HSD17B13: variants seen among roughly 807,000 people sequenced by gnomAD.
HSD17B13 encodes 17-beta-hydroxysteroid dehydrogenase 13.
Under a neutral mutation model 31.1 loss-of-function variants are expected in HSD17B13, and 26 were observed. The observed-to-expected ratio is 0.84, with a 90% CI of 0.61 to 1.16. HSD17B13 has a LOEUF of 1.16. Among genes scored for constraint, HSD17B13 ranks in the 50% most tolerant of loss-of-function variants. The probability of loss-of-function intolerance (pLI) is 0.00; values close to 1 mark genes in which losing one functional copy is unlikely to be tolerated. For synonymous variants in HSD17B13, 141 were observed against 133.7 expected (o/e 1.05, Z -0.38); for missense variants, 374 against 366.5 (o/e 1.02, Z -0.17).
At chr4:87,310,925 T>C (rs555020673) in intron 5 of HSD17B13, among the ~76,000 whole-genome samples, 3 of 152,202 alleles carry the variant, frequency 2.0e-5, no homozygotes, top group Non-Finnish European at 2.9e-5. Context: ...CAGGATGAGA[T>C]AGGAGGTTGG....
intron 4 of HSD17B13, among the ~76,000 whole-genome samples, chr4:87,314,495 G>A (rs1734601917): frequency 6.6e-6 from 1 of 152,034 alleles, no homozygotes. Flanking sequence ...ATCTGGAGAA[G>A]AGTTTACAGG....
intron 5 of HSD17B13, among the ~76,000 whole-genome samples, chr4:87,311,037 G>A (rs1234457616): frequency 9.8e-6 from 1 of 101,620 alleles, no homozygotes; most frequent in African/African-American, 2.8e-5. Context: ...GTGACCTCTG[G>A]TTGTCCTCAC....
chr4:87,318,657 G>T (rs914103913), intron 1 of HSD17B13, among the ~76,000 whole-genome samples: 7 of 151,530 alleles, frequency 4.6e-5, no homozygotes, highest in African/African-American at 1.7e-4. Context: ...AATTAGCCAG[G>T]CCTGATGGTG....
At chr4:87,308,695 A>T (rs958219585) in intron 6 of HSD17B13, among the ~76,000 whole-genome samples, 7 of 149,422 alleles carry the variant, frequency 4.7e-5, no homozygotes, top group African/African-American at 1.7e-4. Context: ...AAATATAATA[A>T]AAATAAATAA....
At chr4:87,306,603 T>C (rs1439428448) in intron 6 of HSD17B13, among the ~76,000 whole-genome samples, 1 of 151,356 alleles carries the variant, frequency 6.6e-6, no homozygotes, top group Admixed American at 6.6e-5. Flanking sequence ...AAGAGATGAG[T>C]AGGCAACTGA....
At chr4:87,312,631 G>A (rs1434238102) in intron 5 of HSD17B13, among the ~76,000 whole-genome samples, 2 of 138,098 alleles carry the variant, frequency 1.4e-5, no homozygotes, top group African/African-American at 5.5e-5. Context: ...CCGGGTTCAC[G>A]CCATTCTCCT....
intron 6 of HSD17B13, among the ~76,000 whole-genome samples, chr4:87,306,381 T>C (rs991878529): frequency 2.6e-5 from 4 of 152,182 alleles, no homozygotes; most frequent in African/African-American, 9.7e-5. Flanking sequence ...TGAATATCTA[T>C]TATGCACTCT....
intron 6 of HSD17B13, among the ~76,000 whole-genome samples, chr4:87,308,211 A>T (rs1406103048): frequency 6.6e-6 from 1 of 152,118 alleles, no homozygotes; most frequent in African/African-American, 2.4e-5. Context: ...TATAAAGAAG[A>T]TATTATCAGC....
chr4:87,310,280 C>A lies in HSD17B13; in HGVS notation c.775G>T (p.Val259Phe), dbSNP rs573793320. ...AGAAAGATATTGATATACGATGGAA[C>A]AAAAATCATTTTCTTATTGGTAAGT... ...GILTNKKMIF[V>F]PSYINIFLRL... The change falls in exon 6 of 7, where the codon GTT (valine) becomes TTT (phenylalanine). Residue 259 changes from valine to phenylalanine, a missense_variant. Coordinates refer to ENST00000328546, the MANE Select transcript of HSD17B13 (RefSeq NM_178135.5). 3 of 1,580,286 alleles carry A rather than the reference C, an allele frequency of 1.9e-6. No individual in the cohort carries two copies. The highest frequency in any genetic ancestry group is 1.2e-5 in the South Asian group (1 of 85,004).
chr4:87,313,056 T>C (rs1734570188), intron 5 of HSD17B13, among the ~76,000 whole-genome samples: 3 of 144,102 alleles, frequency 2.1e-5, no homozygotes, highest in Admixed American at 2.0e-4. Context: ...TGAGACTCTG[T>C]CTCAAAAAAA....
chr4:87,320,224 A>G (rs76624273), intron 1 of HSD17B13, among the ~76,000 whole-genome samples: 352 of 152,282 alleles, frequency 2.3e-3, no homozygotes, highest in African/African-American at 7.8e-3. Flanking sequence ...AGAGTAAAAA[A>G]AGAATAGGAG....
intron 6 of HSD17B13, among the ~76,000 whole-genome samples, chr4:87,309,539 G>A (rs768336436): frequency 2.6e-5 from 4 of 152,006 alleles, no homozygotes; most frequent in Non-Finnish European, 5.9e-5. Context: ...TTATGTTCTT[G>A]GATTAGAAAA....
At chr4:87,318,517 C>A (rs952687448) in intron 1 of HSD17B13, 81 bp from the exon 2 acceptor site, 3 of 1,139,898 alleles carry the variant, frequency 2.6e-6, no homozygotes, top group Non-Finnish European at 3.9e-6. Flanking sequence ...AATTAACATT[C>A]GGCTAGGCGC....
chr4:87,318,414 G>A lies in HSD17B13; in HGVS notation c.233C>T (p.Ala78Val), dbSNP rs113733428. The A allele has an allele frequency of 4.6e-5, 74 of 1,614,114 alleles. No individual in the cohort carries two copies. In the African/African-American group the frequency reaches 8.8e-4, roughly 19 times the overall value. The change falls in exon 2 of 7, where the codon GCT (alanine) becomes GTT (valine). Residue 78 changes from alanine (A) to valine (V), a missense_variant. Physicochemically the swap from Ala to Val is moderately conservative, Grantham distance 64 (BLOSUM62 0). Transcript: ENST00000328546. ...AGTGACGCCTAGTTTTCGGCACTCA[G>A]CTGCAGTTTCCTCCACACCGCGCTG... ...INKRGVEETA[A>V]ECRKLGVTAH...
In HSD17B13 at chr4:87,310,303, A is replaced by G; in HGVS notation, c.752T>C (p.Leu251Pro). ...EVVRSLIDGI[L>P]TNKKMIFVPS... ...AACAAAAATCATTTTCTTATTGGTA[A>G]GTATTCCATCTATCAGACTTCTTAC... Residue 251 changes from leucine (L) to proline (P), a missense_variant, in exon 6 of 7, where the codon CTT (leucine) becomes CCT (proline). Coordinates refer to ENST00000328546, the MANE Select transcript of HSD17B13 (RefSeq NM_178135.5). 1.3e-6 allele frequency: 2 copies of G among 1,580,596 alleles called. No homozygotes were observed. Among genetic ancestry groups the G allele is most frequent in the Non-Finnish European group, 1.7e-6 (2 of 1,167,610 alleles).
chr4:87,320,591 G>A (rs1025921549), intron 1 of HSD17B13, among the ~76,000 whole-genome samples: 2 of 151,884 alleles, frequency 1.3e-5, no homozygotes, highest in Non-Finnish European at 2.9e-5. Context: ...GTTTCACTGT[G>A]TTATCCAGGA....
At chr4:87,320,382 G>GTTTTTTT (rs66590696) in intron 1 of HSD17B13, among the ~76,000 whole-genome samples, 13 of 101,380 alleles carry the variant, frequency 1.3e-4, no homozygotes, top group East Asian at 6.3e-4. Context: ...TTATTCTTCA[G>GTTTTTTT]TTTTTTTTTT....
At chr4:87,320,468 G>A (rs1734759145) in intron 1 of HSD17B13, among the ~76,000 whole-genome samples, 1 of 135,558 alleles carries the variant, frequency 7.4e-6, no homozygotes, top group Non-Finnish European at 1.5e-5. Context: ...CTCACTGCAA[G>A]CTCCGCCTCC....
chr4:87,318,759 C>G (rs1734716330), intron 1 of HSD17B13, among the ~76,000 whole-genome samples: 1 of 142,888 alleles, frequency 7.0e-6, no homozygotes, highest in Non-Finnish European at 1.5e-5. Context: ...GATAGTGCCA[C>G]TGGACTCCAG....
Sources: gnomAD v4.1 joint callset for allele counts (sites outside exome capture counted in the v4.1 genomes callset) on GRCh38, gnomAD v4.1.1 for gene constraint, MANE v1.5 for transcripts, NCBI Gene and HGNC (gene_info 2026-07-23, HGNC 2026-07-21) for gene names.